Variants in TENM3 observed in about 807,000 individuals in gnomAD.
TENM3 encodes teneurin-3.
Under a neutral mutation model 255.1 loss-of-function variants are expected in TENM3, and 63 were observed. That is an observed-to-expected ratio of 0.25 (90% CI 0.20 to 0.30). The LOEUF (loss-of-function observed/expected upper bound fraction) is 0.30, where lower values mean the gene tolerates loss of function less well. Among genes scored for constraint, TENM3 ranks in the 10% least tolerant of loss-of-function variants. TENM3 has a pLI of 1.00. For synonymous variants in TENM3, 1,306 were observed against 1,322.3 expected (o/e 0.99, Z 0.27); for missense variants, 2,929 against 3,461.1 (o/e 0.85, Z 3.86).
the TENM3 span, among the ~76,000 whole-genome samples, chr4:181,913,981 G>A: frequency 6.6e-6 from 1 of 152,192 alleles, no homozygotes; most frequent in Non-Finnish European, 1.5e-5. Context: ...GATGGTAGTA[G>A]AGCAAAAGCC....
chr4:182,331,710 T>C (rs1162174817), intron 2 of TENM3, among the ~76,000 whole-genome samples: 1 of 152,192 alleles, frequency 6.6e-6, no homozygotes, highest in East Asian at 1.9e-4. Context: ...GGAATGGCAG[T>C]ATTAATATCA....
the TENM3 span, among the ~76,000 whole-genome samples, chr4:181,522,413 C>T: frequency 2.0e-5 from 3 of 152,174 alleles, no homozygotes; most frequent in African/African-American, 4.8e-5. Flanking sequence ...CACCCTGATT[C>T]ACCAAGCAGA....
chr4:182,393,796 G>T (rs1580397685), intron 3 of TENM3, among the ~76,000 whole-genome samples: 1 of 152,116 alleles, frequency 6.6e-6, no homozygotes, highest in South Asian at 2.1e-4. Flanking sequence ...ACAGAGGATT[G>T]CTGGCATGTT....
chr4:182,265,028 G>A (rs896165085), intron 1 of TENM3, among the ~76,000 whole-genome samples: 1 of 151,476 alleles, frequency 6.6e-6, no homozygotes, highest in Non-Finnish European at 1.5e-5. Context: ...CTGGTAGCCT[G>A]GGACTCCTTG....
At position 182,800,200 on chromosome 4, in the gene TENM3, G is replaced by A; in HGVS notation, c.7949G>A (p.Trp2650Ter). Residue 2650 changes from tryptophan (W) to a stop codon, truncating the protein, a stop_gained, in exon 28 of 28, where the codon TGG becomes TAG. Transcript: ENST00000511685. LOFTEE classifies it high-confidence loss of function. ...VRDGEEGARL[W>*]TEGEKRQLLS... ...GACGGCGAGGAGGGCGCGCGCCTCTGGACGGAGGGCGAGAAGCGGCAGCTG... is the reference window on the plus strand; with the variant it reads ...GACGGCGAGGAGGGCGCGCGCCTCTAGACGGAGGGCGAGAAGCGGCAGCTG... 1 of 1,588,026 alleles carries A rather than the reference G, an allele frequency of 6.3e-7. No homozygotes were observed. The highest frequency in any genetic ancestry group is 8.5e-7 in the Non-Finnish European group (1 of 1,175,158).
At chr4:181,950,197 C>T in the TENM3 span, among the ~76,000 whole-genome samples, 1 of 152,096 alleles carries the variant, frequency 6.6e-6, no homozygotes. Flanking sequence ...GCTCAAAAAG[C>T]TCCCCCACTG....
intron 3 of TENM3, among the ~76,000 whole-genome samples, chr4:182,371,540 G>A (rs1238398535): frequency 2.0e-5 from 3 of 151,702 alleles, no homozygotes; most frequent in Non-Finnish European, 4.4e-5. Flanking sequence ...CCTACTTCTT[G>A]GTAAATTTCT....
chr4:181,944,950 T>C, the TENM3 span, among the ~76,000 whole-genome samples: 1 of 152,074 alleles, frequency 6.6e-6, no homozygotes, highest in African/African-American at 2.4e-5. Context: ...CATTTATCTG[T>C]CAGGTGACTG....
intron 3 of TENM3, among the ~76,000 whole-genome samples, chr4:182,462,895 A>C (rs1329254041): frequency 6.6e-6 from 1 of 152,048 alleles, no homozygotes; most frequent in African/African-American, 2.4e-5. Context: ...TCAAAAAAAA[A>C]AGGAAAAATT....
chr4:182,776,887 C>G (rs1211067121), intron 24 of TENM3, among the ~76,000 whole-genome samples: 1 of 152,194 alleles, frequency 6.6e-6, no homozygotes, highest in Non-Finnish European at 1.5e-5. Context: ...TGCCATCCCA[C>G]TGAAAGGAGA....
At chr4:182,208,964 T>C (rs1198716155) in intron 1 of TENM3, among the ~76,000 whole-genome samples, 1 of 150,990 alleles carries the variant, frequency 6.6e-6, no homozygotes, top group Non-Finnish European at 1.5e-5. Flanking sequence ...CTGTCCCTCT[T>C]TTTTTTTGTT....
At chr4:182,765,627 TACTC>T (rs1024466920) in intron 22 of TENM3, among the ~76,000 whole-genome samples, 10 of 152,262 alleles carry the variant, frequency 6.6e-5, no homozygotes, top group African/African-American at 2.4e-4. Context: ...CCTTCCTCCT[TACTC>T]ACCTCCGTTT....
At chr4:182,119,991 T>C in the TENM3 span, among the ~76,000 whole-genome samples, 1 of 152,232 alleles carries the variant, frequency 6.6e-6, no homozygotes, top group East Asian at 1.9e-4. Context: ...TGTGAGCCAC[T>C]GCACCTGTCC....
chr4:182,301,611 C>T (rs1357776238), intron 1 of TENM3, among the ~76,000 whole-genome samples: 9 of 152,178 alleles, frequency 5.9e-5, no homozygotes, highest in Non-Finnish European at 1.0e-4. Context: ...CTCCTAGGTG[C>T]GTCAGAGGAG....
rs1762627953 is a variant in TENM3, at chr4:182,755,046, A to G, written c.4679A>G (p.Asn1560Ser). 3.1e-6 allele frequency: 5 copies of G among 1,613,924 alleles called. No homozygotes were observed. The highest frequency in any genetic ancestry group is 2.7e-5 in the African/African-American group (2 of 74,940). ...DNDITAVTDS[N>S]GNTLRIRRDP... ...GATATTACTGCTGTGACAGACAGCA[A>G]TGGCAACACCCTTAGAATTAGACGG... is the stretch of plus-strand genomic sequence containing the variant. Residue 1560 changes from asparagine (N) to serine (S), a missense_variant, in exon 22 of 28, where the codon AAT becomes AGT. Asn to Ser is a conservative substitution (Grantham distance 46). This residue lies in a region of TENM3 where 1,608 missense variants were observed against 1,884.4 expected (regional missense o/e 0.85). Coordinates refer to ENST00000511685, the MANE Select transcript of TENM3 (RefSeq NM_001080477.4).
the TENM3 span, among the ~76,000 whole-genome samples, chr4:181,927,518 C>A: frequency 6.6e-6 from 1 of 152,230 alleles, no homozygotes; most frequent in Non-Finnish European, 1.5e-5. Flanking sequence ...AGGCAGCAGC[C>A]CCAGTCAGGG....
chr4:182,236,860 C>A (rs1231636744), intron 1 of TENM3, among the ~76,000 whole-genome samples: 2 of 152,138 alleles, frequency 1.3e-5, no homozygotes, highest in Non-Finnish European at 2.9e-5. Flanking sequence ...ACTTTAAGTT[C>A]TGGGATACAC....
the TENM3 span, among the ~76,000 whole-genome samples, chr4:181,493,349 A>G: frequency 6.7e-3 from 1,020 of 152,012 alleles, 11 homozygotes; most frequent in African/African-American, 0.024. Flanking sequence ...TAAGCATGCC[A>G]AAAGATTAAG....
chr4:182,053,843 A>T, the TENM3 span, among the ~76,000 whole-genome samples: 1 of 152,022 alleles, frequency 6.6e-6, no homozygotes, highest in African/African-American at 2.4e-5. Flanking sequence ...GGTCATAGGA[A>T]CTCATTTCCG....
Sources: allele counts gnomAD v4.1 joint callset (sites outside exome capture counted in the v4.1 genomes callset), GRCh38; gene constraint gnomAD v4.1.1; regional missense constraint gnomAD v4.1.1; transcripts MANE v1.5; gene names NCBI Gene and HGNC (gene_info 2026-07-23, HGNC 2026-07-21).